The following AVEN variants were observed in gnomAD, a reference collection of about 807,000 sequenced individuals.
AVEN encodes cell death regulator Aven.
In AVEN, 41 loss-of-function variants were observed where a neutral mutation model predicts 38.1. That is an observed-to-expected ratio of 1.08 (90% CI 0.84 to 1.40). The LOEUF is 1.40. AVEN is among the 40% of genes most tolerant of loss of function. The probability of loss-of-function intolerance (pLI) is 0.00; values close to 1 mark genes in which losing one functional copy is unlikely to be tolerated. For synonymous variants in AVEN, 206 were observed against 171.8 expected (o/e 1.20, Z -1.56); for missense variants, 605 against 438.8 (o/e 1.38, Z -3.38).
At chr15:33,930,824 G>A (rs773060549) in intron 2 of AVEN, among the ~76,000 whole-genome samples, 9 of 151,858 alleles carry the variant, frequency 5.9e-5, no homozygotes, top group South Asian at 2.1e-4. Flanking sequence ...GTGTGGTGGC[G>A]GGCACCTGTA....
rs1900424425 is a variant in AVEN at position 34,063,628 on chromosome 15, G to A, written n.1127-196C>T. 6.2e-7 allele frequency: 1 copy of A among 1,613,886 alleles called. No individual in the cohort carries two copies. The highest frequency in any genetic ancestry group is 1.1e-5 in the South Asian group (1 of 91,086). ...AAAGCTGAGCAGCTCACCACCTGTAGCAGCTACCCTTCCTCAGAGGATGAG... is the reference window on the plus strand; with the variant it reads ...AAAGCTGAGCAGCTCACCACCTGTAACAGCTACCCTTCCTCAGAGGATGAG... On this transcript the variant is annotated intron_variant and non_coding_transcript_variant, in intron 4 of 11. Coordinates refer to the AVEN transcript ENST00000675287. This position sits in a 1 kb window ranked among gnomAD's most constrained non-coding sequence, Gnocchi z 4.1.
intron 1 of AVEN, among the ~76,000 whole-genome samples, chr15:34,017,145 G>A (rs1267613160): frequency 6.6e-6 from 1 of 151,766 alleles, no homozygotes; most frequent in Non-Finnish European, 1.5e-5. Flanking sequence ...AAAAAAAAAG[G>A]TATCATTTGA....
At chr15:33,927,958 C>A (rs1289798285) in intron 2 of AVEN, among the ~76,000 whole-genome samples, 1 of 152,134 alleles carries the variant, frequency 6.6e-6, no homozygotes. Context: ...CATCAGGACA[C>A]AACAGTACAG....
At chr15:34,022,357 C>T (rs1898238274) in intron 1 of AVEN, among the ~76,000 whole-genome samples, 1 of 152,204 alleles carries the variant, frequency 6.6e-6, no homozygotes, top group Admixed American at 6.5e-5. Context: ...TTCTGCAGCT[C>T]TTTTCAATTG....
downstream of AVEN, among the ~76,000 whole-genome samples, chr15:33,862,893 A>G (rs1360752166): frequency 3.3e-4 from 51 of 152,316 alleles, no homozygotes; most frequent in Non-Finnish European, 4.4e-5. Flanking sequence ...CTGGAATTAG[A>G]GGCGTGAGCC....
chr15:34,000,231 C>T (rs1246210259), intron 2 of AVEN, among the ~76,000 whole-genome samples: 1 of 152,204 alleles, frequency 6.6e-6, no homozygotes, highest in Non-Finnish European at 1.5e-5. Context: ...TAGCATTTAA[C>T]ATTTTATATA....
At chr15:34,067,726 G>T (rs1041756371) in intron 2 of AVEN, among the ~76,000 whole-genome samples, 3 of 152,160 alleles carry the variant, frequency 2.0e-5, no homozygotes, top group Non-Finnish European at 4.4e-5. Flanking sequence ...CAAGGGAGGT[G>T]GGGCAGACCT....
At chr15:33,902,093 G>A (rs548143249) in intron 2 of AVEN, among the ~76,000 whole-genome samples, 54 of 152,310 alleles carry the variant, frequency 3.5e-4, no homozygotes, top group Admixed American at 1.3e-3. Flanking sequence ...GATCCAAAAA[G>A]TCATTGCCAA....
intron 2 of AVEN, among the ~76,000 whole-genome samples, chr15:34,001,648 G>A (rs1434654791): frequency 6.6e-6 from 1 of 152,188 alleles, no homozygotes; most frequent in African/African-American, 2.4e-5. Context: ...TTCTTGAACA[G>A]TCAATGAGTT....
chr15:33,970,448 T>C (rs1310687799), intron 2 of AVEN, among the ~76,000 whole-genome samples: 1 of 151,964 alleles, frequency 6.6e-6, no homozygotes, highest in Non-Finnish European at 1.5e-5. Context: ...AAATGTTTAT[T>C]TAGAAATCTC....
chr15:33,981,333 G>A lies in AVEN; in HGVS notation c.445+21699C>T, dbSNP rs565103345. ...CTCATTTGCAAGTTAGCACTCCTGCGTACTAATATATTTTTTCCGGACTTT... is the reference window on the plus strand; with the variant it reads ...CTCATTTGCAAGTTAGCACTCCTGCATACTAATATATTTTTTCCGGACTTT... On this transcript the variant is annotated intron_variant, in intron 2 of 5. Transcript: ENST00000306730. Among the ~76,000 whole-genome samples, 7 of 152,184 alleles carry A rather than the reference G, an allele frequency of 4.6e-5. No individual in the cohort carries two copies. The South Asian group carries it at 6.2e-4, about 14-fold the overall frequency.
At chr15:33,853,423 C>T in the AVEN span, 1 of 1,181,390 alleles carries the variant, frequency 8.5e-7, no homozygotes, top group Non-Finnish European at 1.1e-6. Flanking sequence ...CTTTTTTCTG[C>T]ATTTTGAACT....
At chr15:33,933,580 G>GAT (rs1893956048) in intron 2 of AVEN, among the ~76,000 whole-genome samples, 1 of 134,500 alleles carries the variant, frequency 7.4e-6, no homozygotes, top group Non-Finnish European at 1.6e-5. Context: ...GAGAGAGAGA[G>GAT]AACTGAGGCA....
At chr15:33,875,180 G>A (rs977785245) in intron 3 of AVEN, among the ~76,000 whole-genome samples, 6 of 152,124 alleles carry the variant, frequency 3.9e-5, no homozygotes, top group South Asian at 4.1e-4. Flanking sequence ...CAGTGCCTAC[G>A]GGCTTCGGGT....
intron 2 of AVEN, among the ~76,000 whole-genome samples, chr15:33,921,554 A>C (rs1181529324): frequency 6.6e-6 from 1 of 152,220 alleles, no homozygotes; most frequent in Non-Finnish European, 1.5e-5. Context: ...AAGAAAATGG[A>C]AGCCAAGAAA....
intron 2 of AVEN, among the ~76,000 whole-genome samples, chr15:33,930,073 C>T (rs561895029): frequency 1.3e-5 from 2 of 152,292 alleles, no homozygotes; most frequent in East Asian, 1.9e-4. Context: ...AGTGTCTTGA[C>T]GAACAGATTA....
At chr15:33,945,334 G>T (rs751084011) in intron 2 of AVEN, among the ~76,000 whole-genome samples, 1 of 152,150 alleles carries the variant, frequency 6.6e-6, no homozygotes, top group Non-Finnish European at 1.5e-5. Flanking sequence ...TTTCTCCACC[G>T]TAAGTGTCTC....
At chr15:34,039,907 C>T (rs1276686087), upstream of AVEN, among the ~76,000 whole-genome samples, 1 of 152,118 alleles carries the variant, frequency 6.6e-6, no homozygotes, top group Non-Finnish European at 1.5e-5. Context: ...TCACTCCAGT[C>T]CCTTCTTTCA....
intron 1 of AVEN, among the ~76,000 whole-genome samples, chr15:34,015,144 C>T (rs1567467918): frequency 6.6e-6 from 1 of 152,138 alleles, no homozygotes; most frequent in Non-Finnish European, 1.5e-5. Context: ...CCATTCAAAG[C>T]TGTTATCATA....
Sources: gnomAD v4.1 joint callset for allele counts (sites outside exome capture counted in the v4.1 genomes callset) on GRCh38, gnomAD v4.1.1 for gene constraint, Gnocchi (gnomAD v3.1) non-coding constraint, MANE v1.5 for transcripts, NCBI Gene and HGNC (gene_info 2026-07-23, HGNC 2026-07-21) for gene names.